Variants in TRAPPC10 observed in about 807,000 individuals in gnomAD.
The protein encoded by TRAPPC10 is TRAPP 130 kDa subunit.
Under a neutral mutation model 125.5 loss-of-function variants are expected in TRAPPC10, and 23 were observed. That is an observed-to-expected ratio of 0.18 (90% confidence interval 0.13 to 0.26). The LOEUF (loss-of-function observed/expected upper bound fraction) is 0.26. Ranked by LOEUF, TRAPPC10 falls within the 10% of genes least tolerant of loss-of-function variation. The pLI, the probability that TRAPPC10 is intolerant of heterozygous loss-of-function variation, is 1.00. For synonymous variants in TRAPPC10, 509 were observed against 518.0 expected (o/e 0.98, Z 0.24); for missense variants, 1,123 against 1,308.4 (o/e 0.86, Z 2.19).
chr21:44,054,936 G>C (rs2035466217), intron 4 of TRAPPC10, among the ~76,000 whole-genome samples: 1 of 152,184 alleles, frequency 6.6e-6, no homozygotes, highest in Admixed American at 6.5e-5. Flanking sequence ...ATGAAGAGAG[G>C]AGAGCGGGAG....
In TRAPPC10 at chr21:44,091,972, C is replaced by G; in HGVS notation, c.2920C>G (p.Leu974Val). The G allele has an allele frequency of 1.2e-6, 2 of 1,614,130 alleles. No homozygotes were observed. Among genetic ancestry groups the G allele is most frequent in the Non-Finnish European group, 1.7e-6 (2 of 1,179,998 alleles). ...GAATTTGTCAGAACTTGACTTTCAG[C>G]TGTCAGATAGTTATCTTGTAGATAC... ...VQNLSELDFQLSDSYLVDTGD... is the reference protein window; with the variant it reads ...VQNLSELDFQVSDSYLVDTGD... Residue 974 changes from leucine to valine, a missense_variant, in exon 19 of 23, where the codon CTG (leucine) becomes GTG (valine). Physicochemically the swap from Leu to Val is conservative, Grantham distance 32. Transcript: ENST00000291574.
intron 8 of TRAPPC10, 96 bp downstream of exon 8, chr21:44,074,566 A>T: frequency 6.5e-7 from 1 of 1,527,952 alleles, no homozygotes; most frequent in Non-Finnish European, 8.9e-7. Flanking sequence ...GGTGTTGCTC[A>T]TTTAGATCAC....
chr21:44,071,656 A>G (rs977919244), intron 7 of TRAPPC10, among the ~76,000 whole-genome samples: 6 of 152,236 alleles, frequency 3.9e-5, no homozygotes, highest in Non-Finnish European at 8.8e-5. Flanking sequence ...TGTGTATGCC[A>G]CATCATATGC....
chr21:44,074,437 C>T lies in TRAPPC10; in HGVS notation c.1152C>T (p.His384=). 6.2e-7 allele frequency: 1 copy of T among 1,614,236 alleles called. No individual in the cohort carries two copies. ...DRAQIDSNIA[H]TVGLWSYATE... ...CACAGATCGACTCAAACATTGCCCA[C>T]ACTGTGGGGCTATGGAGCTATGCCA... The change falls in exon 8 of 23, where the codon CAC becomes CAT. Residue 384 remains histidine (H), a synonymous_variant. Transcript: ENST00000291574.
intron 1 of TRAPPC10, 85 bp downstream of exon 1, chr21:44,012,645 C>A: frequency 1.6e-6 from 2 of 1,242,858 alleles, no homozygotes; most frequent in Non-Finnish European, 2.2e-6. Flanking sequence ...CCCAGACCTT[C>A]AGCCCCCGGC....
chr21:44,091,979 A>G lies in TRAPPC10; in HGVS notation c.2927A>G (p.Asp976Gly). 2.5e-6 allele frequency: 4 copies of G among 1,614,172 alleles called. No individual in the cohort carries two copies. The highest frequency in any genetic ancestry group is 3.4e-6 in the Non-Finnish European group (4 of 1,180,026). ...TCAGAACTTGACTTTCAGCTGTCAG[A>G]TAGTTATCTTGTAGATACCGGTGAT... Reference protein sequence around the residue: ...NLSELDFQLSDSYLVDTGDST... With the variant: ...NLSELDFQLSGSYLVDTGDST... The change falls in exon 19 of 23, where the codon GAT becomes GGT. Residue 976 changes from aspartate to glycine, a missense_variant. By Grantham distance (94) the Asp-to-Gly change is moderately conservative. Coordinates refer to ENST00000291574, the MANE Select transcript of TRAPPC10 (RefSeq NM_003274.5).
rs34892092 is a variant in TRAPPC10, at chr21:44,048,797, GTT to G, written c.286-3463_286-3462del. Among the ~76,000 whole-genome samples, 694 of 105,588 alleles carry G rather than the reference GTT, an allele frequency of 6.6e-3. 2 individuals are homozygous for G. The highest frequency in any genetic ancestry group is 0.055 in the Middle Eastern group (9 of 164). 69.3% of individuals were successfully genotyped at this position (105,588 alleles called of 152,430 possible). A position where few individuals can be genotyped will look rare whatever the true frequency, so the allele number is the denominator to read the frequency against. ...GTGTGAGCCACCATGCCCACCCTGT[GTT>G]TTTTTTTTTTTTTTTTTTTGGTTGG... On this transcript the variant is annotated intron_variant, in intron 3 of 22. Coordinates refer to ENST00000291574, the MANE Select transcript of TRAPPC10 (RefSeq NM_003274.5).
At position 44,012,490 on chromosome 21, in the gene TRAPPC10, G is replaced by T. The variant is rs745708447; in HGVS notation, c.-4G>T. ...GGGGGCCGGGCCGGTGACGCCGGACGCCCATGGACGCCTCTGAGGAGCCGC... is the reference window on the plus strand; with the variant it reads ...GGGGGCCGGGCCGGTGACGCCGGACTCCCATGGACGCCTCTGAGGAGCCGC... On this transcript the variant is annotated 5_prime_UTR_variant, in exon 1 of 23. Coordinates refer to ENST00000291574, the MANE Select transcript of TRAPPC10 (RefSeq NM_003274.5). The T allele has an allele frequency of 6.7e-7, 1 of 1,482,946 alleles. No individual in the cohort carries two copies. The highest frequency in any genetic ancestry group is 2.2e-5 in the Admixed American group (1 of 46,372). 91.9% of individuals were successfully genotyped at this position (1,482,946 alleles called of 1,614,324 possible). A position where few individuals can be genotyped will look rare whatever the true frequency, so the allele number is the denominator to read the frequency against.
intron 9 of TRAPPC10, among the ~76,000 whole-genome samples, chr21:44,075,629 G>A (rs1286731395): frequency 6.6e-6 from 1 of 151,948 alleles, no homozygotes; most frequent in Non-Finnish European, 1.5e-5. Context: ...GGGACTACAG[G>A]TGTGTGCTAC....
chr21:44,067,736 G>A (rs777559012), intron 7 of TRAPPC10, among the ~76,000 whole-genome samples: 4 of 152,146 alleles, frequency 2.6e-5, no homozygotes, highest in East Asian at 1.9e-4. Context: ...CAGCTTTGCC[G>A]GATGCCTCAG....
Position 44,087,412 on chromosome 21 carries a change from C to T in TRAPPC10, c.2540-287C>T, listed in dbSNP as rs566806377. Among the ~76,000 whole-genome samples the T allele has an allele frequency of 8.5e-5, 13 of 152,058 alleles. No homozygotes were observed. Among genetic ancestry groups the T allele is most frequent in the African/African-American group, 2.4e-4 (10 of 41,464 alleles). The stretch of plus-strand genomic sequence containing the variant: ...GGGTGGATCTGCGGATGAGCTGGAA[C>T]GGGAGAAAGTCATGCAGGGACCTAC... On this transcript the variant is annotated intron_variant, in intron 16 of 22. Coordinates refer to ENST00000291574, the MANE Select transcript of TRAPPC10 (RefSeq NM_003274.5). This position sits in a 1 kb window ranked among gnomAD's most constrained non-coding sequence, Gnocchi z 4.6.
At chr21:44,019,292 C>T (rs1424939167) in intron 1 of TRAPPC10, among the ~76,000 whole-genome samples, 3 of 152,166 alleles carry the variant, frequency 2.0e-5, no homozygotes, top group Non-Finnish European at 2.9e-5. Flanking sequence ...TCAAGCAATC[C>T]GCCCTCTTTG....
chr21:44,059,646 AAAT>A lies in TRAPPC10; in HGVS notation c.790+437_790+439del, dbSNP rs1816509387. ...GTGTTCATCTTTCTTTTGCACTTTTAAATAATATCTTAAGCTCCTTTACAATTA... is the reference window on the plus strand; with the variant it reads ...GTGTTCATCTTTCTTTTGCACTTTTAAATATCTTAAGCTCCTTTACAATTA... On this transcript the variant is annotated intron_variant, in intron 6 of 22. Coordinates refer to ENST00000291574, the MANE Select transcript of TRAPPC10 (RefSeq NM_003274.5). The surrounding 1 kb of genome is among the most constrained non-coding windows in gnomAD (Gnocchi z 4.4). 1 of 597,562 alleles carries A rather than the reference AAAT, an allele frequency of 1.7e-6. No individual in the cohort carries two copies. Among genetic ancestry groups the A allele is most frequent in the South Asian group, 2.2e-5 (1 of 45,144 alleles). The allele number at this position is 597,562 out of a possible 1,614,324, so 37.0% of individuals were successfully genotyped here.
rs1489829408 is a variant in TRAPPC10 at position 44,094,202 on chromosome 21, A to G, written c.3137A>G (p.Tyr1046Cys). The change falls in exon 20 of 23, where the codon TAT (tyrosine) becomes TGT (cysteine). Residue 1046 changes from tyrosine (Y) to cysteine (C), a missense_variant. By Grantham distance (194) the Tyr-to-Cys change is radical. Transcript: ENST00000291574. ...EEQLSISLKP[Y>C]TYEFKVENFF... is the part of the protein sequence containing the mutation. ...CAGCTGTCTATCTCCTTAAAGCCGT[A>G]TACTTATGAATTTAAAGTGGAAAAT... 1 of 1,611,874 alleles carries G rather than the reference A, an allele frequency of 6.2e-7. No homozygotes were observed. Among genetic ancestry groups the G allele is most frequent in the Non-Finnish European group, 8.5e-7 (1 of 1,179,428 alleles).
At chr21:44,016,816 G>A (rs929869671) in intron 1 of TRAPPC10, among the ~76,000 whole-genome samples, 9 of 151,988 alleles carry the variant, frequency 5.9e-5, no homozygotes, top group East Asian at 1.9e-4. Context: ...CCGCCACCAC[G>A]CCTGGCTAAT....
chr21:44,033,400 G>A (rs1237475583), intron 2 of TRAPPC10, among the ~76,000 whole-genome samples: 1 of 152,136 alleles, frequency 6.6e-6, no homozygotes, highest in Non-Finnish European at 1.5e-5. Context: ...TATAAAGAGT[G>A]TACAGAGTGT....
chr21:44,084,035 C>T (rs535827583), intron 14 of TRAPPC10, 87 bp from the exon 15 acceptor site: 175 of 1,521,890 alleles, frequency 1.1e-4, no homozygotes, highest in Non-Finnish European at 2.0e-5. Flanking sequence ...TTCTGGAGTT[C>T]AGAGAGACCG....
chr21:44,046,941 G>T (rs933478806), intron 3 of TRAPPC10: 1 of 830,236 alleles, frequency 1.2e-6, no homozygotes. Context: ...TTCAGGTGTC[G>T]ATGAATATGG....
chr21:44,034,823 G>C (rs1301673009), intron 2 of TRAPPC10, among the ~76,000 whole-genome samples: 1 of 152,184 alleles, frequency 6.6e-6, no homozygotes, highest in East Asian at 1.9e-4. Flanking sequence ...GAAGATGGAG[G>C]TAGAGATGAG....
Sources: gnomAD v4.1 joint callset for allele counts (sites outside exome capture counted in the v4.1 genomes callset) on GRCh38, gnomAD v4.1.1 for gene constraint, Gnocchi (gnomAD v3.1) non-coding constraint, MANE v1.5 for transcripts, NCBI Gene and HGNC (gene_info 2026-07-23, HGNC 2026-07-21) for gene names.